Variants in TRHDE observed in about 807,000 individuals in gnomAD.
TRHDE encodes the protein thyrotropin releasing hormone degrading enzyme.
In TRHDE, 72 loss-of-function variants were observed where a neutral mutation model predicts 125.7. The observed-to-expected ratio is 0.57, with a 90% CI of 0.47 to 0.70. The LOEUF (loss-of-function observed/expected upper bound fraction) is 0.70, where lower values mean the gene tolerates loss of function less well. Among genes scored for constraint, TRHDE ranks in the 30% least tolerant of loss-of-function variants. TRHDE has a pLI of 0.00. For synonymous variants in TRHDE, 509 were observed against 509.1 expected (o/e 1.00, Z 0.00); for missense variants, 1,110 against 1,327.1 (o/e 0.84, Z 2.54).
At chr12:72,370,171 G>A (rs1414167597) in intron 2 of TRHDE, among the ~76,000 whole-genome samples, 1 of 152,146 alleles carries the variant, frequency 6.6e-6, no homozygotes, top group Admixed American at 6.5e-5. Flanking sequence ...GTGAATGATT[G>A]TTTTTAAGTA....
At chr12:72,608,920 G>A (rs1171133363) in intron 12 of TRHDE, among the ~76,000 whole-genome samples, 1 of 152,136 alleles carries the variant, frequency 6.6e-6, no homozygotes, top group Non-Finnish European at 1.5e-5. Flanking sequence ...TATGAACCTG[G>A]GGGGGTTAGA....
intron 2 of TRHDE, among the ~76,000 whole-genome samples, chr12:72,247,674 G>A (rs1257265626): frequency 6.6e-6 from 1 of 152,184 alleles, no homozygotes; most frequent in Non-Finnish European, 1.5e-5. Context: ...TGAAATATCT[G>A]CAAGTGCAAA....
In TRHDE at chr12:72,361,557, T is replaced by A. The variant is rs139653760; in HGVS notation, c.1189-16438T>A. Among the ~76,000 whole-genome samples, 166 of 151,770 alleles carry A rather than the reference T, an allele frequency of 1.1e-3. 1 individual carries two copies. Among genetic ancestry groups the A allele is most frequent in the East Asian group, 7.6e-3 (39 of 5,128 alleles). On this transcript the variant is annotated intron_variant, in intron 2 of 18. Coordinates refer to ENST00000261180, the MANE Select transcript of TRHDE (RefSeq NM_013381.3). Reference sequence around the variant, plus strand: ...TGAGTAGGTGTTTTATAATTTATTTTTTTTTTATTTTATTATTATTATACT... The same window carrying A: ...TGAGTAGGTGTTTTATAATTTATTTATTTTTTATTTTATTATTATTATACT...
intron 3 of TRHDE, among the ~76,000 whole-genome samples, chr12:72,417,644 T>C (rs748658829): frequency 2.0e-5 from 3 of 152,014 alleles, no homozygotes; most frequent in East Asian, 3.9e-4. Flanking sequence ...CTGTGACAGA[T>C]TTTTCCCCCA....
At chr12:72,216,745 A>C (rs1307383432) in intron 2 of TRHDE, among the ~76,000 whole-genome samples, 1 of 152,170 alleles carries the variant, frequency 6.6e-6, no homozygotes, top group Non-Finnish European at 1.5e-5. Flanking sequence ...ATTTCCTCTA[A>C]GATTTTATAC....
At chr12:72,529,809 T>G (rs1371446819) in intron 6 of TRHDE, among the ~76,000 whole-genome samples, 1 of 152,184 alleles carries the variant, frequency 6.6e-6, no homozygotes, top group Non-Finnish European at 1.5e-5. Flanking sequence ...TTCTTAGTGT[T>G]CACATTCTGT....
At chr12:72,601,379 G>A (rs749930407) in intron 12 of TRHDE, among the ~76,000 whole-genome samples, 2 of 152,048 alleles carry the variant, frequency 1.3e-5, no homozygotes, top group African/African-American at 2.4e-5. Context: ...AAATGTCATC[G>A]ACTACTGGTG....
chr12:72,580,049 T>G (rs534602545), intron 12 of TRHDE, among the ~76,000 whole-genome samples: 1 of 152,300 alleles, frequency 6.6e-6, no homozygotes, highest in Admixed American at 6.5e-5. Flanking sequence ...CAATATAAAT[T>G]TTAGAGTCAT....
chr12:72,249,027 A>G (rs1261189775), intron 2 of TRHDE, among the ~76,000 whole-genome samples: 1 of 152,114 alleles, frequency 6.6e-6, no homozygotes, highest in Non-Finnish European at 1.5e-5. Flanking sequence ...TTTTATTATT[A>G]TTTTTGAATC....
chr12:72,641,540 TATTC>T (rs1394331515), intron 15 of TRHDE, among the ~76,000 whole-genome samples: 3 of 152,202 alleles, frequency 2.0e-5, no homozygotes, highest in Non-Finnish European at 4.4e-5. Flanking sequence ...TTATACATAT[TATTC>T]ATTAATATAT....
intron 12 of TRHDE, among the ~76,000 whole-genome samples, chr12:72,577,079 G>T (rs1400115689): frequency 1.3e-5 from 2 of 152,226 alleles, no homozygotes; most frequent in Middle Eastern, 3.4e-3. Flanking sequence ...TTTTATGTAC[G>T]AAAGAAAGAT....
At chr12:72,397,263 C>T (rs933656724) in intron 3 of TRHDE, among the ~76,000 whole-genome samples, 1 of 152,194 alleles carries the variant, frequency 6.6e-6, no homozygotes, top group African/African-American at 2.4e-5. Context: ...AAAATAATCT[C>T]ATGTTTTACT....
chr12:72,150,396 CT>C (rs371891880), intron 2 of TRHDE, among the ~76,000 whole-genome samples: 1,550 of 141,658 alleles, frequency 0.011, 18 homozygotes, highest in South Asian at 0.046. Flanking sequence ...GGTAGTGAGT[CT>C]TTTTTTTTTT....
chr12:72,131,884 C>T (rs1000334642), intron 2 of TRHDE, among the ~76,000 whole-genome samples: 7 of 152,134 alleles, frequency 4.6e-5, no homozygotes, highest in Non-Finnish European at 1.5e-5. Flanking sequence ...GCATGTTCCC[C>T]CTACAAGGAG....
chr12:72,547,601 C>G (rs967741960), intron 7 of TRHDE, among the ~76,000 whole-genome samples: 1 of 151,748 alleles, frequency 6.6e-6, no homozygotes, highest in African/African-American at 2.4e-5. Flanking sequence ...CTCATTCCTA[C>G]CTCCCCAGGT....
intron 15 of TRHDE, among the ~76,000 whole-genome samples, chr12:72,633,697 T>C (rs958757135): frequency 2.0e-5 from 3 of 152,120 alleles, no homozygotes; most frequent in East Asian, 3.9e-4. Context: ...TAGAGATTTC[T>C]AGAAACCATA....
At chr12:72,353,781 T>A (rs565239882) in intron 2 of TRHDE, among the ~76,000 whole-genome samples, 87 of 151,784 alleles carry the variant, frequency 5.7e-4, no homozygotes, top group Non-Finnish European at 9.3e-4. Context: ...TTCTGATACT[T>A]ACAAATGCTG....
intron 2 of TRHDE, among the ~76,000 whole-genome samples, chr12:72,250,379 C>T (rs1358523824): frequency 6.6e-6 from 1 of 152,186 alleles, no homozygotes; most frequent in Non-Finnish European, 1.5e-5. Context: ...TGGCTGAACA[C>T]TACGAAAAGC....
intron 17 of TRHDE, among the ~76,000 whole-genome samples, 158 bp from the exon 18 acceptor site, chr12:72,656,769 T>G (rs982435705): frequency 6.6e-6 from 1 of 152,172 alleles, no homozygotes; most frequent in Non-Finnish European, 1.5e-5. Flanking sequence ...TGTCCCTCCC[T>G]GACTCCCTAG....
Sources: allele counts gnomAD v4.1 joint callset (sites outside exome capture counted in the v4.1 genomes callset), GRCh38; gene constraint gnomAD v4.1.1; transcripts MANE v1.5; gene names NCBI Gene and HGNC (gene_info 2026-07-23, HGNC 2026-07-21).